The following SORCS1 variants were observed in gnomAD, a reference collection of about 807,000 sequenced individuals.
SORCS1 encodes VPS10 domain-containing receptor SorCS1.
Under a neutral mutation model 146.1 loss-of-function variants are expected in SORCS1, and 60 were observed. The ratio of observed to expected loss-of-function variants is 0.41; its 90% CI spans 0.33 to 0.51. SORCS1 has a LOEUF of 0.51. SORCS1 is among the 20% of genes least tolerant of loss of function. The pLI is 0.21. For synonymous variants in SORCS1, 637 were observed against 584.0 expected, an observed-to-expected ratio of 1.09 and a Z score of -1.31; for missense variants, 1,352 against 1,487.6, an observed-to-expected ratio of 0.91 and a Z score of 1.50.
intron 1 of SORCS1, among the ~76,000 whole-genome samples, chr10:106,976,566 C>G (rs1428124341): frequency 6.6e-6 from 1 of 152,082 alleles, no homozygotes. Flanking sequence ...CTCCTGACCT[C>G]ATGATCCGCC....
Position 106,891,504 on chromosome 10 carries a change from C to CTTTTT in SORCS1, c.627-61836_627-61832dup, listed in dbSNP as rs760812204. ...GTAATCAGAAGTTTCAATGGGAATT[C>CTTTTT]TTTTTTTTTTTTTGAGAAAAGACCT... On this transcript the variant is annotated intron_variant, in intron 2 of 25. Coordinates refer to ENST00000263054, the MANE Select transcript of SORCS1 (RefSeq NM_052918.5). 1.6e-4 allele frequency among the ~76,000 whole-genome samples: 16 copies of CTTTTT among 97,274 alleles called. 2 individuals are homozygous for CTTTTT. The highest frequency in any genetic ancestry group is 3.9e-4 in the African/African-American group (11 of 27,992). 63.8% of individuals were successfully genotyped at this position (97,274 alleles called of 152,430 possible).
intron 3 of SORCS1, among the ~76,000 whole-genome samples, chr10:106,824,467 G>A (rs543384660): frequency 6.6e-6 from 1 of 151,292 alleles, no homozygotes; most frequent in South Asian, 2.1e-4. Flanking sequence ...GTAGACGCCT[G>A]TAATCCCAGC....
chr10:106,819,854 C>T (rs1947926553), intron 3 of SORCS1, among the ~76,000 whole-genome samples: 1 of 152,190 alleles, frequency 6.6e-6, no homozygotes, highest in African/African-American at 2.4e-5. Context: ...TCTGAGAGAT[C>T]TCCAGAGATT....
chr10:106,607,419 GC>G, intron 22 of SORCS1, 122 bp from the exon 23 acceptor site: 1 of 1,318,176 alleles, frequency 7.6e-7, no homozygotes, highest in Non-Finnish European at 1.0e-6. Flanking sequence ...GAAAGCAGAG[GC>G]CTGGGCATAT....
chr10:107,007,832 ACTT>A lies in SORCS1; in HGVS notation c.559-51255_559-51253del, dbSNP rs1957521839. On this transcript the variant is annotated intron_variant, in intron 1 of 25. Transcript: ENST00000263054. ...GCGAGGCTCAGGCCCAATTACGCTTACTTGATAGCTGTGCAATAACAAACGAAC... is the reference window on the plus strand; with the variant it reads ...GCGAGGCTCAGGCCCAATTACGCTTAGATAGCTGTGCAATAACAAACGAAC... Among the ~76,000 whole-genome samples, 3 of 117,742 alleles carry A rather than the reference ACTT, an allele frequency of 2.5e-5. No homozygotes were observed. In the African/African-American group the frequency reaches 3.1e-4, roughly 12 times the overall value. The allele number at this position is 117,742 out of a possible 152,430, so 77.2% of individuals were successfully genotyped here.
intron 2 of SORCS1, among the ~76,000 whole-genome samples, chr10:106,849,903 T>A (rs1589546728): frequency 6.6e-6 from 1 of 151,918 alleles, no homozygotes. Flanking sequence ...TGCTCGGGGG[T>A]CAGGGGTCAG....
chr10:107,041,385 G>A (rs1959145412), intron 1 of SORCS1, among the ~76,000 whole-genome samples: 1 of 145,632 alleles, frequency 6.9e-6, no homozygotes, highest in African/African-American at 2.5e-5. Flanking sequence ...AGCAAGAAAG[G>A]ACAACTTCTA....
intron 2 of SORCS1, among the ~76,000 whole-genome samples, chr10:106,951,231 G>C (rs920030135): frequency 1.3e-5 from 2 of 152,138 alleles, no homozygotes; most frequent in Non-Finnish European, 2.9e-5. Flanking sequence ...GGAACATCTG[G>C]CCGGGCACGG....
chr10:107,063,668 A>G (rs1379027802), intron 1 of SORCS1, among the ~76,000 whole-genome samples: 1 of 152,176 alleles, frequency 6.6e-6, no homozygotes, highest in Admixed American at 6.5e-5. Flanking sequence ...AAGCCTGGTT[A>G]TTTGAGTTTT....
chr10:106,836,663 T>C (rs1262149089), intron 2 of SORCS1, among the ~76,000 whole-genome samples: 1 of 152,006 alleles, frequency 6.6e-6, no homozygotes, highest in Non-Finnish European at 1.5e-5. Flanking sequence ...TGAGGTTGTA[T>C]ATGGTGTAGA....
intron 24 of SORCS1, among the ~76,000 whole-genome samples, chr10:106,581,330 C>CAG (rs1844896881): frequency 6.7e-6 from 1 of 148,250 alleles, no homozygotes; most frequent in African/African-American, 2.5e-5. Context: ...CATACACACA[C>CAG]ACACACACAC....
chr10:107,060,409 T>C lies in SORCS1; in HGVS notation c.558+103560A>G, dbSNP rs1961073429. On this transcript the variant is annotated intron_variant, in intron 1 of 25. Coordinates refer to ENST00000263054, the MANE Select transcript of SORCS1 (RefSeq NM_052918.5). The surrounding 1 kb of genome is among the most constrained non-coding windows in gnomAD (Gnocchi z 4.1). ...TAGCAAAATGTAGAGTGAGGCAAAT[T>C]TCTTTGCTGTAATTTTTTATTGTCA... Among the ~76,000 whole-genome samples, 1 of 152,082 alleles carries C rather than the reference T, an allele frequency of 6.6e-6. No individual in the cohort carries two copies. Among genetic ancestry groups the C allele is most frequent in the South Asian group, 2.1e-4 (1 of 4,832 alleles).
intron 2 of SORCS1, among the ~76,000 whole-genome samples, chr10:106,918,114 C>G (rs752242374): frequency 1.3e-5 from 2 of 152,180 alleles, no homozygotes; most frequent in Non-Finnish European, 2.9e-5. Flanking sequence ...ACCTGTTTTA[C>G]TGAAGTGCCT....
At chr10:107,096,489 T>G (rs1964551069) in intron 1 of SORCS1, among the ~76,000 whole-genome samples, 1 of 152,160 alleles carries the variant, frequency 6.6e-6, no homozygotes, top group African/African-American at 2.4e-5. Context: ...AGTAAAGCTT[T>G]GCTACACCTA....
intron 2 of SORCS1, among the ~76,000 whole-genome samples, chr10:106,836,212 C>T (rs1490347832): frequency 4.6e-5 from 7 of 151,700 alleles, no homozygotes; most frequent in African/African-American, 1.7e-4. Context: ...CAGTGGCTCA[C>T]GCCTGTAATC....
chr10:107,016,568 G>C (rs993983271), intron 1 of SORCS1, among the ~76,000 whole-genome samples: 1 of 152,164 alleles, frequency 6.6e-6, no homozygotes, highest in Admixed American at 6.5e-5. Flanking sequence ...GCAACACAAT[G>C]AGATTTCTAG....
chr10:106,687,203 C>T (rs73378384), intron 10 of SORCS1, among the ~76,000 whole-genome samples: 8,406 of 152,220 alleles, frequency 0.055, 410 homozygotes, highest in African/African-American at 0.14. Context: ...AGGAATAAGA[C>T]GTGACCCTGC....
chr10:106,647,531 G>T (rs945867424), intron 18 of SORCS1, among the ~76,000 whole-genome samples: 3 of 152,032 alleles, frequency 2.0e-5, no homozygotes, highest in African/African-American at 7.2e-5. Flanking sequence ...ATTCACAAGG[G>T]AACAGAATAG....
intron 22 of SORCS1, among the ~76,000 whole-genome samples, chr10:106,610,112 T>C (rs775643043): frequency 6.6e-6 from 1 of 152,140 alleles, no homozygotes; most frequent in Non-Finnish European, 1.5e-5. Context: ...TAACCACCAA[T>C]CATGTCACAG....
Sources: gnomAD v4.1 joint callset for allele counts (sites outside exome capture counted in the v4.1 genomes callset) on GRCh38, gnomAD v4.1.1 for gene constraint, Gnocchi (gnomAD v3.1) non-coding constraint, MANE v1.5 for transcripts, NCBI Gene and HGNC (gene_info 2026-07-23, HGNC 2026-07-21) for gene names.